Variants in OSBPL10 observed in about 807,000 individuals in gnomAD.
OSBPL10 encodes the protein oxysterol-binding protein-related protein 10.
In OSBPL10, 49 loss-of-function variants were observed where a neutral mutation model predicts 81.7. That is an observed-to-expected ratio of 0.60 (90% CI 0.48 to 0.76). The LOEUF (loss-of-function observed/expected upper bound fraction) is 0.76. Ranked by LOEUF, OSBPL10 falls within the 30% of genes least tolerant of loss-of-function variation. OSBPL10 has a pLI of 0.00. For synonymous variants in OSBPL10, 419 were observed against 383.6 expected (o/e 1.09, Z -1.08); for missense variants, 923 against 987.8 (o/e 0.93, Z 0.88).
intron 3 of OSBPL10, among the ~76,000 whole-genome samples, chr3:31,835,384 C>A (rs897718371): frequency 8.3e-6 from 1 of 120,634 alleles, no homozygotes; most frequent in Non-Finnish European, 1.9e-5. Flanking sequence ...TCAGCTGGTC[C>A]TCAAAACCTC....
chr3:31,899,675 G>C (rs1486734539), intron 1 of OSBPL10, among the ~76,000 whole-genome samples: 1 of 152,058 alleles, frequency 6.6e-6, no homozygotes, highest in Non-Finnish European at 1.5e-5. Flanking sequence ...AAAAAATAAA[G>C]AGAAAAGAAA....
At chr3:31,702,293 G>A (rs2125592664) in intron 7 of OSBPL10, 66 bp downstream of exon 7, 4 of 1,552,998 alleles carry the variant, frequency 2.6e-6, no homozygotes, top group Non-Finnish European at 3.5e-6. Context: ...TGTGCATAGA[G>A]AAGGCTTGAG....
At chr3:31,723,539 T>TACACAC (rs35189802) in intron 6 of OSBPL10, among the ~76,000 whole-genome samples, 2,186 of 125,076 alleles carry the variant, frequency 0.017, 60 homozygotes, top group African/African-American at 0.077. Context: ...CTCTGTTTCT[T>TACACAC]ACACACACAC....
intron 2 of OSBPL10, among the ~76,000 whole-genome samples, chr3:32,008,607 G>A (rs1559548550): frequency 6.6e-6 from 1 of 151,550 alleles, no homozygotes; most frequent in Non-Finnish European, 1.5e-5. Flanking sequence ...AAAGCTAGCA[G>A]AGAGTGGTGT....
chr3:31,702,258 T>C, intron 7 of OSBPL10, 101 bp downstream of exon 7: 3 of 1,399,880 alleles, frequency 2.1e-6, no homozygotes, highest in South Asian at 1.4e-5. Flanking sequence ...ACTCTTCTTC[T>C]CCAATCTCAC....
At chr3:31,822,042 T>C (rs1377692813) in intron 4 of OSBPL10, 1 of 152,210 alleles carries the variant, frequency 6.6e-6, no homozygotes, top group African/African-American at 2.4e-5. Context: ...GTGTGTGTAG[T>C]AAGTAAATAT....
intron 4 of OSBPL10, among the ~76,000 whole-genome samples, chr3:31,776,216 A>T (rs1698545591): frequency 6.6e-6 from 1 of 152,202 alleles, no homozygotes; most frequent in African/African-American, 2.4e-5. Flanking sequence ...ACACGAAAAA[A>T]ATGCCCAACA....
At chr3:32,077,009 A>G (rs1162076970) in intron 1 of OSBPL10, among the ~76,000 whole-genome samples, 1 of 152,282 alleles carries the variant, frequency 6.6e-6, no homozygotes, top group African/African-American at 2.4e-5. Context: ...CCCCAGCTGT[A>G]TGACTCCTAA....
chr3:32,060,228 C>A (rs1699744513), intron 1 of OSBPL10, among the ~76,000 whole-genome samples: 1 of 152,094 alleles, frequency 6.6e-6, no homozygotes, highest in Non-Finnish European at 1.5e-5. Flanking sequence ...AATTTTAAAA[C>A]AAACTGAATG....
At chr3:31,997,302 G>C (rs554922099) in intron 2 of OSBPL10, among the ~76,000 whole-genome samples, 1 of 150,252 alleles carries the variant, frequency 6.7e-6, no homozygotes, top group Non-Finnish European at 1.5e-5. Flanking sequence ...CCCTCACTCT[G>C]TCGCCAGGCT....
chr3:31,913,652 A>C (rs923714092), intron 1 of OSBPL10, among the ~76,000 whole-genome samples: 4 of 152,246 alleles, frequency 2.6e-5, no homozygotes, highest in African/African-American at 9.6e-5. Context: ...TGTAGACCAC[A>C]GGCTAACTCA....
In OSBPL10 at chr3:31,888,663, G is replaced by A. The variant is rs558281861; in HGVS notation, c.282-8833C>T. ...GGGCTGGGCACAGTGGCTCACGCCC[G>A]TAATCCCAGCACTTTGGGAGGCTGA... On this transcript the variant is annotated intron_variant, in intron 1 of 11. Coordinates refer to ENST00000396556, the MANE Select transcript of OSBPL10 (RefSeq NM_017784.5). Among the ~76,000 whole-genome samples, 85 of 152,294 alleles carry A rather than the reference G, an allele frequency of 5.6e-4. 1 individual carries two copies. The highest frequency in any genetic ancestry group is 1.7e-3 in the South Asian group (8 of 4,822).
At chr3:31,759,382 G>C (rs1435761814) in intron 4 of OSBPL10, among the ~76,000 whole-genome samples, 1 of 152,054 alleles carries the variant, frequency 6.6e-6, no homozygotes, top group Non-Finnish European at 1.5e-5. Context: ...ATCTGAAACT[G>C]GGGCTTCTAA....
intron 2 of OSBPL10, among the ~76,000 whole-genome samples, chr3:31,999,201 A>G (rs2125529871): frequency 6.6e-6 from 1 of 152,294 alleles, no homozygotes; most frequent in Non-Finnish European, 1.5e-5. Context: ...CAGGTGTGGC[A>G]TGTAGCAAAG....
At position 31,927,266 on chromosome 3, in the gene OSBPL10, G is replaced by A. The variant is rs947259902; in HGVS notation, c.282-47436C>T. Among the ~76,000 whole-genome samples, 9 of 152,180 alleles carry A rather than the reference G, an allele frequency of 5.9e-5. No individual in the cohort carries two copies. The South Asian group carries it at 6.2e-4, about 11-fold the overall frequency. ...TTTTCAATTACCATGAAAAACAAGC[G>A]TCACTATTATATGTAAAAGAAACTC... On this transcript the variant is annotated intron_variant, in intron 1 of 11. Transcript: ENST00000396556.
Position 31,905,490 on chromosome 3 carries a change from C to T in OSBPL10, c.282-25660G>A, listed in dbSNP as rs1046695906. Among the ~76,000 whole-genome samples the T allele has an allele frequency of 2.6e-5, 4 of 151,722 alleles. No individual in the cohort carries two copies. In the East Asian group the frequency reaches 7.8e-4, roughly 29 times the overall value. On this transcript the variant is annotated intron_variant, in intron 1 of 11. Transcript: ENST00000396556. ...TCAGCCTCCTGAGTAGCTGAGATTACAGACATGCGCTACCACACCCAGCTA... is the reference window on the plus strand; with the variant it reads ...TCAGCCTCCTGAGTAGCTGAGATTATAGACATGCGCTACCACACCCAGCTA...
chr3:31,982,456 A>T (rs1698870438), upstream of OSBPL10, among the ~76,000 whole-genome samples: 1 of 151,700 alleles, frequency 6.6e-6, no homozygotes, highest in Non-Finnish European at 1.5e-5. Flanking sequence ...TTCAAGAGTT[A>T]AAAAAAATTA....
chr3:31,907,879 T>C (rs2125687848), intron 1 of OSBPL10, among the ~76,000 whole-genome samples: 1 of 152,178 alleles, frequency 6.6e-6, no homozygotes, highest in Middle Eastern at 3.4e-3. Context: ...GGAAATAAAT[T>C]ATAAACATAT....
At chr3:32,040,182 G>A (rs146259920) in intron 2 of OSBPL10, among the ~76,000 whole-genome samples, 5 of 152,232 alleles carry the variant, frequency 3.3e-5, no homozygotes, top group African/African-American at 9.6e-5. Flanking sequence ...CCAGGAGGGC[G>A]GATCACCTGA....
Sources: allele counts gnomAD v4.1 joint callset (sites outside exome capture counted in the v4.1 genomes callset), GRCh38; gene constraint gnomAD v4.1.1; transcripts MANE v1.5; gene names NCBI Gene and HGNC (gene_info 2026-07-23, HGNC 2026-07-21).